Variants in TMEM117 observed in about 807,000 individuals in gnomAD.
The protein encoded by TMEM117 is transmembrane protein 117.
TMEM117 carries 27 observed loss-of-function variants against 52.4 expected under a neutral mutation model. That is an observed-to-expected ratio of 0.51 (90% CI 0.38 to 0.71). The LOEUF (loss-of-function observed/expected upper bound fraction) is 0.71, where lower values mean the gene tolerates loss of function less well. TMEM117 is among the 30% of genes least tolerant of loss of function. The probability of loss-of-function intolerance (pLI) is 0.00; values close to 1 mark genes in which losing one functional copy is unlikely to be tolerated. For missense variants in TMEM117, 556 were observed against 630.5 expected, an observed-to-expected ratio of 0.88 and a Z score of 1.26; for synonymous variants, 215 against 206.3, an observed-to-expected ratio of 1.04 and a Z score of -0.36.
chr12:44,298,223 C>A (rs2138637262), intron 5 of TMEM117, among the ~76,000 whole-genome samples: 1 of 150,692 alleles, frequency 6.6e-6, no homozygotes, highest in East Asian at 1.9e-4. Context: ...AAAGAGAATT[C>A]TATGAAGATT....
chr12:44,383,636 A>T (rs1952050071), intron 7 of TMEM117, among the ~76,000 whole-genome samples: 1 of 152,200 alleles, frequency 6.6e-6, no homozygotes, highest in East Asian at 1.9e-4. Context: ...TAGTTGAAAC[A>T]ACAGGGGAAA....
At chr12:44,194,055 G>A (rs1027859371) in intron 4 of TMEM117, among the ~76,000 whole-genome samples, 1 of 152,026 alleles carries the variant, frequency 6.6e-6, no homozygotes. Flanking sequence ...TAAATAAAGA[G>A]GAAATTGAAA....
intron 6 of TMEM117, among the ~76,000 whole-genome samples, chr12:44,360,509 G>A (rs1951706936): frequency 6.6e-6 from 1 of 151,396 alleles, no homozygotes; most frequent in African/African-American, 2.4e-5. Flanking sequence ...GAAGGTTGCA[G>A]TGAGTCGAGA....
At chr12:44,274,519 A>T (rs1176249758) in intron 5 of TMEM117, among the ~76,000 whole-genome samples, 1 of 152,126 alleles carries the variant, frequency 6.6e-6, no homozygotes, top group African/African-American at 2.4e-5. Context: ...AAAAAGAACT[A>T]AACTGGAGTA....
chr12:44,366,145 A>G (rs1006933726), intron 6 of TMEM117, among the ~76,000 whole-genome samples: 2 of 152,080 alleles, frequency 1.3e-5, no homozygotes, highest in African/African-American at 4.8e-5. Flanking sequence ...TGAGTGTATC[A>G]TTGGGAACTT....
intron 2 of TMEM117, among the ~76,000 whole-genome samples, chr12:43,881,063 T>C (rs977497532): frequency 2.6e-5 from 4 of 152,218 alleles, no homozygotes; most frequent in African/African-American, 9.6e-5. Flanking sequence ...TTAATGCTTG[T>C]TTATTTTATT....
chr12:44,142,466 C>A (rs1948584136), intron 3 of TMEM117, among the ~76,000 whole-genome samples: 1 of 151,906 alleles, frequency 6.6e-6, no homozygotes, highest in South Asian at 2.1e-4. Flanking sequence ...GAAATAACTC[C>A]AGAAAAGAAA....
intron 5 of TMEM117, among the ~76,000 whole-genome samples, chr12:44,272,176 C>T (rs965937950): frequency 2.0e-5 from 3 of 151,962 alleles, no homozygotes; most frequent in Non-Finnish European, 4.4e-5. Flanking sequence ...TATGGAGGTT[C>T]CTCAAAAAAT....
At chr12:43,898,895 T>G (rs1455801028) in intron 2 of TMEM117, among the ~76,000 whole-genome samples, 2 of 152,238 alleles carry the variant, frequency 1.3e-5, no homozygotes, top group Non-Finnish European at 1.5e-5. Context: ...GTAACCGATC[T>G]GACAGACTTG....
At chr12:44,092,752 C>G (rs1386467735) in intron 3 of TMEM117, among the ~76,000 whole-genome samples, 1 of 152,214 alleles carries the variant, frequency 6.6e-6, no homozygotes, top group Non-Finnish European at 1.5e-5. Flanking sequence ...AGGCTAAGAA[C>G]TATTCATTCT....
Position 43,912,751 on chromosome 12 carries a change from A to T in TMEM117, c.278-31459A>T, listed in dbSNP as rs976282896. Among the ~76,000 whole-genome samples, 3 of 151,938 alleles carry T rather than the reference A, an allele frequency of 2.0e-5. 1 individual carries two copies. The highest frequency in any genetic ancestry group is 4.4e-5 in the Non-Finnish European group (3 of 68,006). On this transcript the variant is annotated intron_variant, in intron 2 of 7. Coordinates refer to ENST00000266534, the MANE Select transcript of TMEM117 (RefSeq NM_032256.3). ...TTGGTGCTTTTCCATGTGATTTTCA[A>T]TTAATATATGTGTAGCCTTTAATGC...
At chr12:44,135,973 GT>G (rs1465544534) in intron 3 of TMEM117, among the ~76,000 whole-genome samples, 1 of 152,116 alleles carries the variant, frequency 6.6e-6, no homozygotes, top group Non-Finnish European at 1.5e-5. Flanking sequence ...CTTCTAATTA[GT>G]TTAGATAGAA....
chr12:43,800,359 C>T, the TMEM117 span: 3 of 1,000,886 alleles, frequency 3.0e-6, no homozygotes, highest in African/African-American at 4.9e-5. Context: ...GAATTCGTAT[C>T]AATTACCCAT....
At chr12:44,221,275 G>C (rs963831112) in intron 5 of TMEM117, among the ~76,000 whole-genome samples, 3 of 152,086 alleles carry the variant, frequency 2.0e-5, no homozygotes, top group African/African-American at 4.8e-5. Flanking sequence ...AAAGATAAAA[G>C]AGAAGGCCAT....
At chr12:44,314,832 AG>A (rs1299049507) in intron 6 of TMEM117, among the ~76,000 whole-genome samples, 6 of 152,204 alleles carry the variant, frequency 3.9e-5, no homozygotes, top group Admixed American at 3.3e-4. Context: ...CAATAGAATT[AG>A]TACGAGCTCT....
At position 44,129,762 on chromosome 12, in the gene TMEM117, G is replaced by A. The variant is rs559689572; in HGVS notation, c.411-13763G>A. Among the ~76,000 whole-genome samples the A allele has an allele frequency of 3.3e-5, 5 of 152,256 alleles. No individual in the cohort carries two copies. In the South Asian group the frequency reaches 1.0e-3, roughly 32 times the overall value. On this transcript the variant is annotated intron_variant, in intron 3 of 7. Transcript: ENST00000266534. The stretch of plus-strand genomic sequence containing the variant: ...ACCAAGAAGCTTAGTCAGTTAGAAT[G>A]CAGAAAGATATTTAAACTGTAGCAA...
At chr12:44,310,633 C>T (rs1950962355) in intron 6 of TMEM117, among the ~76,000 whole-genome samples, 1 of 152,124 alleles carries the variant, frequency 6.6e-6, no homozygotes. Flanking sequence ...AGCGAAACTC[C>T]GTCTCTCACA....
At chr12:43,824,890 C>T in the TMEM117 span, among the ~76,000 whole-genome samples, 3 of 152,198 alleles carry the variant, frequency 2.0e-5, no homozygotes, top group Non-Finnish European at 2.9e-5. Flanking sequence ...TGTGCCACTA[C>T]ACTCCAGCAC....
At position 44,352,354 on chromosome 12, in the gene TMEM117, T is replaced by A. The variant is rs540059243; in HGVS notation, c.769-24241T>A. 8.3e-4 allele frequency among the ~76,000 whole-genome samples: 127 copies of A among 152,274 alleles called. 1 individual carries two copies. Among genetic ancestry groups the A allele is most frequent in the African/African-American group, 3.0e-3 (124 of 41,550 alleles). On this transcript the variant is annotated intron_variant, in intron 6 of 7. Transcript: ENST00000266534. Reference sequence around the variant, plus strand: ...TACATGTGCACAACGTGCAGGTTTGTTACATACGTATACCTGTGCCATGTT... The same window carrying A: ...TACATGTGCACAACGTGCAGGTTTGATACATACGTATACCTGTGCCATGTT...
Sources: allele counts gnomAD v4.1 joint callset (sites outside exome capture counted in the v4.1 genomes callset), GRCh38; gene constraint gnomAD v4.1.1; transcripts MANE v1.5; gene names NCBI Gene and HGNC (gene_info 2026-07-23, HGNC 2026-07-21).